TFDP2: variants seen among roughly 807,000 people sequenced by gnomAD.
TFDP2 encodes the protein transcription factor Dp-2 (E2F dimerization partner 2).
Under a neutral mutation model 59.3 loss-of-function variants are expected in TFDP2, and 17 were observed. The observed-to-expected ratio is 0.29, with a 90% CI of 0.20 to 0.43. TFDP2 has a LOEUF of 0.43. TFDP2 is among the 20% of genes least tolerant of loss of function. TFDP2 has a pLI of 1.00. For missense variants in TFDP2, 391 were observed against 528.8 expected (o/e 0.74, Z 2.56); for synonymous variants, 180 against 194.7 (o/e 0.92, Z 0.63).
intron 1 of TFDP2, among the ~76,000 whole-genome samples, chr3:142,127,912 C>T (rs1179986173): frequency 1.3e-5 from 2 of 152,140 alleles, no homozygotes; most frequent in African/African-American, 4.8e-5. Flanking sequence ...AAGAAACTGC[C>T]CCTTCTGGCT....
intron 1 of TFDP2, among the ~76,000 whole-genome samples, chr3:142,120,173 C>A (rs1464639471): frequency 6.6e-6 from 1 of 151,330 alleles, no homozygotes; most frequent in Non-Finnish European, 1.5e-5. Context: ...CCATCCTGGC[C>A]AACAGGGTGA....
chr3:141,987,133 G>A (rs1160105036), intron 6 of TFDP2, among the ~76,000 whole-genome samples: 1 of 151,934 alleles, frequency 6.6e-6, no homozygotes, highest in African/African-American at 2.4e-5. Flanking sequence ...TTTGTTTCTT[G>A]GCTTACTGCA....
At chr3:142,060,344 T>C (rs1340213940) in intron 3 of TFDP2, among the ~76,000 whole-genome samples, 1 of 152,180 alleles carries the variant, frequency 6.6e-6, no homozygotes, top group Non-Finnish European at 1.5e-5. Context: ...TAAGTACTCT[T>C]TTTAAAATTA....
chr3:142,010,755 C>T (rs1944606129), intron 3 of TFDP2, among the ~76,000 whole-genome samples: 1 of 146,546 alleles, frequency 6.8e-6, no homozygotes, highest in African/African-American at 2.5e-5. Flanking sequence ...AAAAAACAAA[C>T]AACCCCATCA....
At chr3:142,075,334 T>A (rs1328875657) in intron 3 of TFDP2, among the ~76,000 whole-genome samples, 1 of 152,146 alleles carries the variant, frequency 6.6e-6, no homozygotes, top group Non-Finnish European at 1.5e-5. Context: ...CCAGAATATA[T>A]AAAGAACTCC....
chr3:142,037,359 A>G (rs1049327572), intron 3 of TFDP2, among the ~76,000 whole-genome samples: 1 of 152,222 alleles, frequency 6.6e-6, no homozygotes, highest in Non-Finnish European at 1.5e-5. Flanking sequence ...ACTGCAATGA[A>G]AAAAACTAGT....
chr3:142,064,557 C>T (rs2060014559), intron 3 of TFDP2, among the ~76,000 whole-genome samples: 1 of 152,164 alleles, frequency 6.6e-6, no homozygotes, highest in South Asian at 2.1e-4. Context: ...AGACTGAGGA[C>T]CTTATTGATA....
At chr3:141,963,766 G>A (rs759632437) in intron 10 of TFDP2, 46 bp downstream of exon 10, 1 of 1,551,666 alleles carries the variant, frequency 6.4e-7, no homozygotes, top group South Asian at 1.2e-5. Context: ...ATATGAAAAT[G>A]TTAACAGAAG....
intron 5 of TFDP2, 43 bp downstream of exon 5, chr3:141,994,977 C>CT: frequency 4.1e-6 from 6 of 1,464,792 alleles, no homozygotes; most frequent in South Asian, 1.6e-5. Flanking sequence ...AATGTCTAAA[C>CT]TTTTTTTAAG....
chr3:142,013,910 G>C (rs1290758406), intron 3 of TFDP2, among the ~76,000 whole-genome samples: 1 of 151,414 alleles, frequency 6.6e-6, no homozygotes, highest in East Asian at 1.9e-4. Flanking sequence ...TTTTTTTCAT[G>C]GCACAGACTT....
rs58062138 is a variant in TFDP2, at chr3:141,944,728, T to A, written c.*7785A>T. ...CAGGCAGGCCTGGAACCACCCTTAG[T>A]GGAACACTGCTTAGGACTTGTCTGT... On this transcript the variant is annotated 3_prime_UTR_variant, in exon 13 of 13. Transcript: ENST00000489671. The A allele has an allele frequency of 1.3e-5, 2 of 152,214 alleles. No homozygotes were observed. Among genetic ancestry groups the A allele is most frequent in the Non-Finnish European group, 2.9e-5 (2 of 68,044 alleles). 9.4% of individuals were successfully genotyped at this position (152,214 alleles called of 1,614,324 possible).
intron 1 of TFDP2, among the ~76,000 whole-genome samples, chr3:142,127,196 A>C (rs745704002): frequency 6.8e-6 from 1 of 148,134 alleles, no homozygotes; most frequent in Non-Finnish European, 1.5e-5. Flanking sequence ...TAAGATATAT[A>C]TTAATATTAT....
rs148723590 is a variant in TFDP2 at position 142,109,168 on chromosome 3, T to C, written c.-92-7327A>G. ...TACATATCAAATGCCTGGCATATGG[T>C]TGAAGCTCAAGAAATATTTGTTAAA... is the stretch of plus-strand genomic sequence containing the variant. On this transcript the variant is annotated intron_variant, in intron 1 of 12. Transcript: ENST00000489671. 7.2e-3 allele frequency among the ~76,000 whole-genome samples: 1,103 copies of C among 152,328 alleles called. 7 individuals are homozygous for C. Among genetic ancestry groups the C allele is most frequent in the Admixed American group, 0.015 (234 of 15,294 alleles).
chr3:142,064,331 C>T (rs564208127), intron 3 of TFDP2, among the ~76,000 whole-genome samples: 35 of 152,244 alleles, frequency 2.3e-4, no homozygotes, highest in Non-Finnish European at 2.8e-4. Context: ...CCACCCCAGA[C>T]CTACTGTATC....
chr3:142,036,748 T>C (rs1168904714), intron 3 of TFDP2, among the ~76,000 whole-genome samples: 5 of 152,270 alleles, frequency 3.3e-5, no homozygotes, highest in Admixed American at 3.3e-4. Flanking sequence ...TTCCAGGCTC[T>C]TAATGATTAG....
intron 8 of TFDP2, among the ~76,000 whole-genome samples, chr3:141,971,014 T>C (rs1001439392): frequency 1.3e-5 from 2 of 150,536 alleles, no homozygotes; most frequent in Admixed American, 6.6e-5. Flanking sequence ...GCCAAGATCA[T>C]GCCACTGCAC....
At chr3:141,993,689 T>C (rs1323792827) in intron 5 of TFDP2, 104 bp from the exon 6 acceptor site, 2 of 579,580 alleles carry the variant, frequency 3.5e-6, no homozygotes, top group Admixed American at 3.7e-5. Flanking sequence ...CTGAATATAT[T>C]CAAAGACTAA....
chr3:142,147,942 A>C (rs1459622386), intron 1 of TFDP2, among the ~76,000 whole-genome samples: 1 of 152,194 alleles, frequency 6.6e-6, no homozygotes, highest in Non-Finnish European at 1.5e-5. Context: ...ATGGAAAAGG[A>C]AGCTGCAATA....
At chr3:141,989,881 A>ATTATTATTATTATT (rs749856211) in intron 6 of TFDP2, among the ~76,000 whole-genome samples, 87 of 149,502 alleles carry the variant, frequency 5.8e-4, no homozygotes, top group Non-Finnish European at 1.0e-3. Flanking sequence ...TTACTTTAAT[A>ATTATTATTATTATT]ATAATAATAA....
Sources: gnomAD v4.1 joint callset for allele counts (sites outside exome capture counted in the v4.1 genomes callset) on GRCh38, gnomAD v4.1.1 for gene constraint, MANE v1.5 for transcripts, NCBI Gene and HGNC (gene_info 2026-07-23, HGNC 2026-07-21) for gene names.